The following CFH variants were observed in gnomAD, a reference collection of about 807,000 sequenced individuals.
CFH encodes complement factor H.
In CFH, 53 loss-of-function variants were observed where a neutral mutation model predicts 147.3. The ratio of observed to expected loss-of-function variants is 0.36; its 90% CI spans 0.29 to 0.45. The LOEUF (loss-of-function observed/expected upper bound fraction) is 0.45. Among genes scored for constraint, CFH ranks in the 20% least tolerant of loss-of-function variants. CFH has a pLI of 1.00. For synonymous variants in CFH, 536 were observed against 489.4 expected (o/e 1.10, Z -1.26); for missense variants, 1,380 against 1,498.0 (o/e 0.92, Z 1.30).
chr1:196,688,771 C>T (rs910379040), intron 7 of CFH, among the ~76,000 whole-genome samples: 3 of 151,910 alleles, frequency 2.0e-5, no homozygotes, highest in Admixed American at 6.6e-5. Flanking sequence ...CCACCAGGCC[C>T]GGCTAATTTT....
intron 19 of CFH, 45 bp from the exon 20 acceptor site, chr1:196,743,407 T>G: frequency 6.2e-7 from 1 of 1,611,152 alleles, no homozygotes. Flanking sequence ...GATTTGCTAC[T>G]CAAAATGAAC....
intron 7 of CFH, among the ~76,000 whole-genome samples, chr1:196,688,186 A>G (rs1008790073): frequency 2.6e-5 from 4 of 152,042 alleles, no homozygotes; most frequent in African/African-American, 9.7e-5. Context: ...TGAAAGTACT[A>G]GATAATCTAC....
chr1:196,692,789 T>TCC (rs1668099944), intron 9 of CFH, among the ~76,000 whole-genome samples: 1 of 92,386 alleles, frequency 1.1e-5, no homozygotes, highest in African/African-American at 5.6e-5. Context: ...TTTCTTTCTT[T>TCC]CTTTCTTTCT....
intron 9 of CFH, among the ~76,000 whole-genome samples, chr1:196,705,844 CTG>C (rs1668571893): frequency 1.3e-5 from 2 of 152,272 alleles, no homozygotes; most frequent in African/African-American, 4.8e-5. Flanking sequence ...CTCTAGAAGA[CTG>C]AATAGGTATC....
intron 9 of CFH, among the ~76,000 whole-genome samples, chr1:196,695,655 A>C (rs1270340663): frequency 6.6e-6 from 1 of 151,952 alleles, no homozygotes; most frequent in Non-Finnish European, 1.5e-5. Context: ...ATATTTTTCT[A>C]TTTATTTTGG....
At position 196,741,786 on chromosome 1, in the gene CFH, T is replaced by C. The variant is rs16840522; in HGVS notation, c.2957-89T>C. 244,851 of 1,194,894 alleles carry C rather than the reference T, an allele frequency of 0.2. 27,631 individuals carry two copies. Among genetic ancestry groups the C allele is most frequent in the African/African-American group, 0.34 (22,150 of 65,886 alleles). 74.0% of individuals were successfully genotyped at this position (1,194,894 alleles called of 1,614,324 possible). ...TGTTGTACAGTATTCATTGATTCTA[T>C]ATATCGCTATTTTAGAATCCATTAC... is the stretch of plus-strand genomic sequence containing the variant. On this transcript the variant is annotated intron_variant, in intron 18 of 21. Coordinates refer to ENST00000367429, the MANE Select transcript of CFH (RefSeq NM_000186.4).
At chr1:196,653,389 G>C (rs1666571107) in intron 1 of CFH, among the ~76,000 whole-genome samples, 1 of 151,634 alleles carries the variant, frequency 6.6e-6, no homozygotes, top group Non-Finnish European at 1.5e-5. Flanking sequence ...TTTACAAACA[G>C]TTCCAGAACA....
At chr1:196,745,453 T>A (rs1286577190) in intron 20 of CFH, among the ~76,000 whole-genome samples, 6 of 152,306 alleles carry the variant, frequency 3.9e-5, no homozygotes, top group Non-Finnish European at 8.8e-5. Flanking sequence ...TTTTAAAAAA[T>A]TTTTGTCATA....
intron 9 of CFH, among the ~76,000 whole-genome samples, chr1:196,703,773 A>G (rs1411762918): frequency 6.6e-6 from 1 of 151,954 alleles, no homozygotes; most frequent in Non-Finnish European, 1.5e-5. Flanking sequence ...TCACAAGGTC[A>G]GGAGATCGAG....
At chr1:196,715,849 G>A (rs760835143) in intron 11 of CFH, 80 bp downstream of exon 11, 86 of 1,190,724 alleles carry the variant, frequency 7.2e-5, no homozygotes, top group Non-Finnish European at 8.1e-5. Context: ...GAATTATATA[G>A]AGGAATTGTT....
intron 15 of CFH, among the ~76,000 whole-genome samples, chr1:196,734,022 G>A (rs1669341651): frequency 6.6e-6 from 1 of 152,104 alleles, no homozygotes; most frequent in African/African-American, 2.4e-5. Flanking sequence ...GATCTAGAGA[G>A]ACTCTCATGT....
At chr1:196,714,635 G>GTGTATATATGTATATATATATA (rs1392624278) in intron 10 of CFH, among the ~76,000 whole-genome samples, 1 of 24,920 alleles carries the variant, frequency 4.0e-5, no homozygotes, top group African/African-American at 1.7e-4. Flanking sequence ...ACGTATATAT[G>GTGTATATATGTATATATATATA]TATATATATA....
At position 196,713,739 on chromosome 1, in the gene CFH, A is replaced by G. The variant is rs758408048; in HGVS notation, c.1341A>G (p.Thr447=). ...TCTTATTCTCTTCCCTTTTAGAAAC[A>G]TGTTCCAAATCAAGTATAGATATTG... is the stretch of plus-strand genomic sequence containing the variant. ...SPTPRCIRVK[T]CSKSSIDIEN... is the part of the protein sequence containing the mutation. The change falls in exon 10 of 22, where the codon ACA becomes ACG. Residue 447 remains threonine, a synonymous_variant. Coordinates refer to ENST00000367429, the MANE Select transcript of CFH (RefSeq NM_000186.4). 3.2e-6 allele frequency: 5 copies of G among 1,573,404 alleles called. No homozygotes were observed. The highest frequency in any genetic ancestry group is 2.3e-5 in the East Asian group (1 of 44,372).
intron 7 of CFH, among the ~76,000 whole-genome samples, chr1:196,688,823 C>T (rs1393612951): frequency 6.6e-6 from 1 of 151,954 alleles, no homozygotes; most frequent in Non-Finnish European, 1.5e-5. Flanking sequence ...CATGTTGGCC[C>T]AGCTGGTCTC....
In CFH at chr1:196,726,948, T is replaced by C; in HGVS notation, c.2236+8T>C. 1 of 1,607,610 alleles carries C rather than the reference T, an allele frequency of 6.2e-7. No individual in the cohort carries two copies. Among genetic ancestry groups the C allele is most frequent in the East Asian group, 2.2e-5 (1 of 44,830 alleles). On this transcript the variant is annotated splice_region_variant and intron_variant, in intron 14 of 21. Coordinates refer to ENST00000367429, the MANE Select transcript of CFH (RefSeq NM_000186.4). ...AACTTCCCCAGTGTGTGGGTGAGAA[T>C]ACCCTTCTTAAATCAACATTTAACA...
At chr1:196,671,075 T>C (rs1667260944) in intron 1 of CFH, among the ~76,000 whole-genome samples, 1 of 152,188 alleles carries the variant, frequency 6.6e-6, no homozygotes, top group East Asian at 1.9e-4. Context: ...TTGTGCTGTG[T>C]CCATTTGATT....
intron 11 of CFH, among the ~76,000 whole-genome samples, chr1:196,717,804 C>T (rs2149104733): frequency 6.6e-6 from 1 of 152,206 alleles, no homozygotes; most frequent in East Asian, 1.9e-4. Flanking sequence ...GGACTCACAG[C>T]TACTGTGGAG....
At chr1:196,669,488 T>C (rs1471290320) in intron 1 of CFH, among the ~76,000 whole-genome samples, 1 of 152,150 alleles carries the variant, frequency 6.6e-6, no homozygotes, top group Non-Finnish European at 1.5e-5. Context: ...TCTCAGGAGT[T>C]GGTGGCTTGC....
intron 1 of CFH, among the ~76,000 whole-genome samples, chr1:196,659,647 G>A (rs79822912): frequency 0.025 from 3,846 of 152,200 alleles, 159 homozygotes; most frequent in African/African-American, 0.088. Flanking sequence ...GGTAACTTCC[G>A]GTTGTTGGGT....
Sources: gnomAD v4.1 joint callset for allele counts (sites outside exome capture counted in the v4.1 genomes callset) on GRCh38, gnomAD v4.1.1 for gene constraint, MANE v1.5 for transcripts, NCBI Gene and HGNC (gene_info 2026-07-23, HGNC 2026-07-21) for gene names.